CEACAM21: variants seen among roughly 807,000 people sequenced by gnomAD.
CEACAM21 encodes cell adhesion molecule CEACAM21.
Under a neutral mutation model 33.2 loss-of-function variants are expected in CEACAM21, and 38 were observed. The ratio of observed to expected loss-of-function variants is 1.14; its 90% CI spans 0.88 to 1.50. The LOEUF is 1.50. Among genes scored for constraint, CEACAM21 ranks in the 40% most tolerant of loss-of-function variants. CEACAM21 has a pLI of 0.00. For missense variants in CEACAM21, 385 were observed against 364.6 expected (o/e 1.06, Z -0.46); for synonymous variants, 156 against 143.0 (o/e 1.09, Z -0.65).
intron 1 of CEACAM21, chr19:41,555,207 C>T (rs1476278222): frequency 6.6e-6 from 1 of 151,812 alleles, no homozygotes; most frequent in Non-Finnish European, 1.5e-5. Context: ...CTTCTTTGCA[C>T]AGGTATCCAA....
chr19:41,567,889 A>G (rs1401505430), intron 2 of CEACAM21, among the ~76,000 whole-genome samples: 2 of 121,032 alleles, frequency 1.7e-5, no homozygotes, highest in African/African-American at 9.6e-5. Flanking sequence ...AAGGAGGAAG[A>G]TGCAGTAAAA....
intron 1 of CEACAM21, chr19:41,551,567 G>A (rs1324949331): frequency 6.6e-6 from 1 of 152,336 alleles, no homozygotes; most frequent in African/African-American, 2.4e-5. Context: ...GGGGGAGGAG[G>A]TTTCCATGGG....
At chr19:41,583,726 C>T (rs1321678435) in intron 3 of CEACAM21, among the ~76,000 whole-genome samples, 1 of 152,176 alleles carries the variant, frequency 6.6e-6, no homozygotes. Context: ...AAAAAACCCA[C>T]CCTCATGATT....
chr19:41,559,616 T>C (rs1239957303), intron 1 of CEACAM21, among the ~76,000 whole-genome samples: 1 of 152,168 alleles, frequency 6.6e-6, no homozygotes. Context: ...CAAAAGATGT[T>C]CTTTAAAAAG....
At chr19:41,583,708 C>G (rs2070484397) in intron 3 of CEACAM21, among the ~76,000 whole-genome samples, 1 of 152,160 alleles carries the variant, frequency 6.6e-6, no homozygotes, top group Non-Finnish European at 1.5e-5. Flanking sequence ...ATCACAAGAA[C>G]AGGATGGAAA....
rs184081521 is a variant in CEACAM21 at position 41,584,528 on chromosome 19, C to G, written c.797+85C>G. The G allele has an allele frequency of 7.8e-4, 945 of 1,218,720 alleles. 5 individuals are homozygous for G. The African/African-American group carries it at 0.013, about 16-fold the overall frequency. 75.5% of individuals were successfully genotyped at this position (1,218,720 alleles called of 1,614,324 possible). ...AGGAGACCCTGTCTTGTATTCAGTG[C>G]CAGGCTCTCCCCAGCCTCCCGACTC... On this transcript the variant is annotated intron_variant, in intron 4 of 6. Coordinates refer to ENST00000401445, the MANE Select transcript of CEACAM21 (RefSeq NM_001098506.4).
chr19:41,561,250 G>A (rs1555786767), intron 1 of CEACAM21, among the ~76,000 whole-genome samples: 1 of 152,120 alleles, frequency 6.6e-6, no homozygotes, highest in African/African-American at 2.4e-5. Context: ...CAATCCATCT[G>A]CCTCAGCCTC....
chr19:41,575,974 G>A (rs7257657), upstream of CEACAM21, among the ~76,000 whole-genome samples: 11,502 of 152,158 alleles, frequency 0.076, 859 homozygotes, highest in East Asian at 0.35. Context: ...AGAGTGGGTC[G>A]TCCTGTTATG....
chr19:41,579,295 G>A (rs2043185693), intron 2 of CEACAM21, 58 bp from the exon 3 acceptor site: 1 of 1,613,286 alleles, frequency 6.2e-7, no homozygotes, highest in Non-Finnish European at 8.5e-7. Flanking sequence ...TTGACTCTGA[G>A]ATCTCTGAGG....
At chr19:41,583,024 T>C (rs1163678773) in intron 3 of CEACAM21, among the ~76,000 whole-genome samples, 4 of 152,234 alleles carry the variant, frequency 2.6e-5, no homozygotes, top group Non-Finnish European at 5.9e-5. Flanking sequence ...TAAACATAAG[T>C]TCCAATTCCA....
chr19:41,564,506 C>T (rs1331023035), intron 1 of CEACAM21, among the ~76,000 whole-genome samples: 1 of 152,164 alleles, frequency 6.6e-6, no homozygotes, highest in Non-Finnish European at 1.5e-5. Flanking sequence ...TCCGCCCCAT[C>T]GGGTCAGGGA....
chr19:41,561,515 C>T (rs2041880822), intron 1 of CEACAM21, among the ~76,000 whole-genome samples: 1 of 152,124 alleles, frequency 6.6e-6, no homozygotes, highest in South Asian at 2.1e-4. Context: ...AAAATACTTT[C>T]CCCAAATTAT....
rs2043219620 is a variant in CEACAM21 at position 41,579,600 on chromosome 19, G to A, written c.672G>A (p.Arg224=). ...CEVSNPVSSN[R]SDPLKLTVKS... ...TCTCCAACCCAGTCAGCTCCAACAG[G>A]AGCGACCCCCTCAAGCTGACTGTAA... Residue 224 remains arginine (R), a synonymous_variant, in exon 3 of 7, where the codon AGG becomes AGA. Transcript: ENST00000401445. 1 of 1,575,854 alleles carries A rather than the reference G, an allele frequency of 6.3e-7. No individual in the cohort carries two copies. The highest frequency in any genetic ancestry group is 8.6e-7 in the Non-Finnish European group (1 of 1,160,220).
rs1421647357 is a variant in CEACAM21, at chr19:41,584,532, G to A, written c.797+89G>A. On this transcript the variant is annotated intron_variant, in intron 4 of 6. Transcript: ENST00000401445. ...GACCCTGTCTTGTATTCAGTGCCAGGCTCTCCCCAGCCTCCCGACTCCCCA... is the reference window on the plus strand; with the variant it reads ...GACCCTGTCTTGTATTCAGTGCCAGACTCTCCCCAGCCTCCCGACTCCCCA... The A allele has an allele frequency of 3.4e-6, 4 of 1,178,922 alleles. No individual in the cohort carries two copies. In the Admixed American group the frequency reaches 6.1e-5, roughly 18 times the overall value. 73.0% of individuals were successfully genotyped at this position (1,178,922 alleles called of 1,614,324 possible). A position where few individuals can be genotyped will look rare whatever the true frequency, so the allele number is the denominator to read the frequency against.
At chr19:41,570,628 G>C (rs1001955937) in intron 2 of CEACAM21, among the ~76,000 whole-genome samples, 1 of 152,184 alleles carries the variant, frequency 6.6e-6, no homozygotes, top group Non-Finnish European at 1.5e-5. Flanking sequence ...GAAGTTCAAA[G>C]ACCATGCCAT....
In CEACAM21 at chr19:41,577,259, C is replaced by A. The variant is rs782499004; in HGVS notation, c.124C>A (p.Pro42Thr). ...TGCCTGGCTCTTTATTGCATCAGCG[C>A]CCTTTGAAGTTGCTGAAGGGGAGAA... ...TTAWLFIASA[P>T]FEVAEGENVH... Residue 42 changes from proline (P) to threonine (T), a missense_variant, in exon 2 of 7, where the codon CCC becomes ACC. Physicochemically the swap from Pro to Thr is conservative, Grantham distance 38. Coordinates refer to ENST00000401445, the MANE Select transcript of CEACAM21 (RefSeq NM_001098506.4). 9 of 1,613,980 alleles carry A rather than the reference C, an allele frequency of 5.6e-6. No homozygotes were observed. Among genetic ancestry groups the A allele is most frequent in the Non-Finnish European group, 7.6e-6 (9 of 1,180,006 alleles).
At position 41,566,249 on chromosome 19, in the gene CEACAM21, G is replaced by A. The variant is rs1190877544; in HGVS notation, c.-404+1193G>A. Among the ~76,000 whole-genome samples the A allele has an allele frequency of 7.9e-5, 12 of 152,318 alleles. No individual in the cohort carries two copies. In the South Asian group the frequency reaches 1.2e-3, roughly 16 times the overall value. On this transcript the variant is annotated intron_variant, in intron 2 of 7. Coordinates refer to the CEACAM21 transcript ENST00000407170. ...GTGCCAAGCACACATTACAGAATAC[G>A]TTACTTATGGGAAGTAACTTAGCCT...
At chr19:41,578,609 C>T (rs535052924) in intron 2 of CEACAM21, among the ~76,000 whole-genome samples, 1 of 152,246 alleles carries the variant, frequency 6.6e-6, no homozygotes, top group African/African-American at 2.4e-5. Context: ...TCTTGGGCAT[C>T]CTCAGCTCAG....
intron 1 of CEACAM21, chr19:41,551,401 C>G (rs531070180): frequency 6.6e-6 from 1 of 152,234 alleles, no homozygotes; most frequent in African/African-American, 2.4e-5. Flanking sequence ...TCAGGTGATC[C>G]ACCTCCTGGG....
Sources: gnomAD v4.1 joint callset for allele counts (sites outside exome capture counted in the v4.1 genomes callset) on GRCh38, gnomAD v4.1.1 for gene constraint, MANE v1.5 for transcripts, NCBI Gene and HGNC (gene_info 2026-07-23, HGNC 2026-07-21) for gene names.